Variants in DROSHA observed in about 807,000 individuals in gnomAD.
The protein encoded by DROSHA is ribonuclease 3.
DROSHA carries 56 observed loss-of-function variants against 181.9 expected under a neutral mutation model. The ratio of observed to expected loss-of-function variants is 0.31; its 90% CI spans 0.25 to 0.38. The LOEUF is 0.38. Ranked by LOEUF, DROSHA falls within the 10% of genes least tolerant of loss-of-function variation. The probability of loss-of-function intolerance (pLI) is 1.00; values close to 1 mark genes in which losing one functional copy is unlikely to be tolerated. For missense variants in DROSHA, 1,218 were observed against 1,743.5 expected (o/e 0.70, Z 5.37); for synonymous variants, 524 against 591.2 (o/e 0.89, Z 1.65).
intron 16 of DROSHA, among the ~76,000 whole-genome samples, chr5:31,480,807 T>C (rs1750951451): frequency 6.6e-6 from 1 of 152,208 alleles, no homozygotes; most frequent in Non-Finnish European, 1.5e-5. Context: ...AAATGTTTAC[T>C]CTTCAGCCTC....
intron 16 of DROSHA, among the ~76,000 whole-genome samples, chr5:31,475,543 TAC>T (rs1750266213): frequency 6.6e-6 from 1 of 152,070 alleles, no homozygotes; most frequent in African/African-American, 2.4e-5. Flanking sequence ...TTCACATGCA[TAC>T]ACACAGAACA....
intron 13 of DROSHA, 31 bp from the exon 14 acceptor site, chr5:31,486,593 C>T (rs1751787927): frequency 6.3e-7 from 1 of 1,594,026 alleles, no homozygotes; most frequent in East Asian, 2.2e-5. Context: ...GTTCAGTTCC[C>T]CAACGTCTCC....
chr5:31,522,143 C>T (rs1205933987), intron 5 of DROSHA, among the ~76,000 whole-genome samples: 2 of 152,142 alleles, frequency 1.3e-5, no homozygotes, highest in Non-Finnish European at 2.9e-5. Flanking sequence ...ATAGAAATTG[C>T]TTTCCACTTA....
At chr5:31,506,888 G>C (rs2150051582) in intron 10 of DROSHA, among the ~76,000 whole-genome samples, 1 of 152,168 alleles carries the variant, frequency 6.6e-6, no homozygotes, top group South Asian at 2.1e-4. Flanking sequence ...ACTATACAGA[G>C]GACACAAAAC....
In DROSHA at chr5:31,477,519, C is replaced by T. The variant is rs1003506754; in HGVS notation, c.2072-5287G>A. Reference sequence around the variant, plus strand: ...CTAATAGATGGTTTTGCAAACTACACTTGCCTCCTGGAAATTTTGCAATAC... The same window carrying T: ...CTAATAGATGGTTTTGCAAACTACATTTGCCTCCTGGAAATTTTGCAATAC... On this transcript the variant is annotated intron_variant, in intron 16 of 35. Coordinates refer to ENST00000344624, the MANE Select transcript of DROSHA (RefSeq NM_001382508.1). 3.3e-5 allele frequency among the ~76,000 whole-genome samples: 5 copies of T among 152,218 alleles called. 1 individual carries two copies. The highest frequency in any genetic ancestry group is 1.3e-4 in the Admixed American group (2 of 15,278).
chr5:31,478,885 C>A (rs538186943), intron 16 of DROSHA, among the ~76,000 whole-genome samples: 1 of 152,302 alleles, frequency 6.6e-6, no homozygotes, highest in African/African-American at 2.4e-5. Context: ...TTAAAATGTA[C>A]ATACTATCTT....
intron 23 of DROSHA, among the ~76,000 whole-genome samples, chr5:31,445,728 C>A (rs1280025455): frequency 6.6e-6 from 1 of 152,196 alleles, no homozygotes; most frequent in Non-Finnish European, 1.5e-5. Flanking sequence ...CAAAATTCAA[C>A]ACCATTTCAT....
At chr5:31,443,202 T>C (rs534353270) in intron 23 of DROSHA, among the ~76,000 whole-genome samples, 91 of 152,120 alleles carry the variant, frequency 6.0e-4, no homozygotes, top group African/African-American at 2.1e-3. Flanking sequence ...GTGTTTTTAG[T>C]AGAGAGGGTT....
chr5:31,468,410 G>A (rs989618359), intron 17 of DROSHA, among the ~76,000 whole-genome samples: 6 of 152,202 alleles, frequency 3.9e-5, no homozygotes, highest in African/African-American at 1.4e-4. Flanking sequence ...ATCACAGGCA[G>A]AGCCTCTTCT....
At chr5:31,512,375 A>G (rs1365234845) in intron 8 of DROSHA, among the ~76,000 whole-genome samples, 3 of 152,224 alleles carry the variant, frequency 2.0e-5, no homozygotes, top group African/African-American at 7.2e-5. Context: ...ATGTAATAAA[A>G]AACAACCAGC....
chr5:31,429,454 C>A lies in DROSHA; in HGVS notation c.3216+21G>T, dbSNP rs373851725. Reference sequence around the variant, plus strand: ...TGTAATAATATATAACAAAAAAAATCAAATGATTCCATAGAAATACCGGAT... The same window carrying A: ...TGTAATAATATATAACAAAAAAAATAAAATGATTCCATAGAAATACCGGAT... On this transcript the variant is annotated intron_variant, in intron 27 of 35. Coordinates refer to ENST00000344624, the MANE Select transcript of DROSHA (RefSeq NM_001382508.1). 3.7e-4 allele frequency: 594 copies of A among 1,593,704 alleles called. 5 individuals are homozygous for A. Among genetic ancestry groups the A allele is most frequent in the South Asian group, 3.6e-3 (314 of 86,560 alleles).
chr5:31,483,676 T>C, intron 15 of DROSHA, 48 bp from the exon 16 acceptor site: 2 of 1,522,054 alleles, frequency 1.3e-6, no homozygotes, highest in Non-Finnish European at 1.8e-6. Flanking sequence ...AACTCAGTCT[T>C]AAAAAACAAG....
At chr5:31,459,446 GGTCA>G (rs1444708413) in intron 20 of DROSHA, among the ~76,000 whole-genome samples, 1 of 149,768 alleles carries the variant, frequency 6.7e-6, no homozygotes, top group Non-Finnish European at 1.5e-5. Context: ...ATCTCTCTCA[GGTCA>G]GTTAGCCTTT....
chr5:31,464,169 T>A (rs896780559), intron 20 of DROSHA, 67 bp downstream of exon 20: 13 of 1,336,072 alleles, frequency 9.7e-6, no homozygotes, highest in Admixed American at 1.9e-5. Context: ...TAAGAAACCC[T>A]CAGTACCAGA....
chr5:31,522,807 T>C (rs943933874), intron 5 of DROSHA, among the ~76,000 whole-genome samples: 1 of 152,222 alleles, frequency 6.6e-6, no homozygotes, highest in East Asian at 1.9e-4. Context: ...AACAGTGTGC[T>C]TGGTGCACTA....
intron 26 of DROSHA, among the ~76,000 whole-genome samples, chr5:31,429,966 G>A (rs544387863): frequency 5.9e-5 from 9 of 152,062 alleles, no homozygotes; most frequent in East Asian, 1.9e-4. Flanking sequence ...GACAAAACCC[G>A]AGTCTAGATC....
Position 31,493,161 on chromosome 5 carries a change from A to G in DROSHA, c.1842+46T>C, listed in dbSNP as rs762578164. ...TTTGACTTTTGGAAAGAAGGGATGA[A>G]GGAGGTACAAGGAAAGAGAAAAGCA... On this transcript the variant is annotated intron_variant, in intron 13 of 35. Transcript: ENST00000344624. The G allele has an allele frequency of 1.9e-6, 3 of 1,544,648 alleles. No individual in the cohort carries two copies. The Admixed American group carries it at 5.7e-5, about 29-fold the overall frequency.
chr5:31,509,592 C>T (rs117962086), intron 9 of DROSHA, among the ~76,000 whole-genome samples: 38 of 152,266 alleles, frequency 2.5e-4, no homozygotes, highest in Non-Finnish European at 4.1e-4. Flanking sequence ...CTAGCTAGAG[C>T]GCGGGCCACA....
chr5:31,464,113 A>T, intron 20 of DROSHA, 123 bp downstream of exon 20: 1 of 803,646 alleles, frequency 1.2e-6, no homozygotes, highest in Middle Eastern at 2.3e-4. Context: ...TATAGTTGAT[A>T]TTCCATTTAG....
Sources: allele counts gnomAD v4.1 joint callset (sites outside exome capture counted in the v4.1 genomes callset), GRCh38; gene constraint gnomAD v4.1.1; transcripts MANE v1.5; gene names NCBI Gene and HGNC (gene_info 2026-07-23, HGNC 2026-07-21).